Variants in FUT8 observed in about 807,000 individuals in gnomAD.
The protein encoded by FUT8 is fucosyltransferase 8, also known as alpha-(1,6)-fucosyltransferase.
FUT8 carries 29 observed loss-of-function variants against 71.3 expected under a neutral mutation model. The observed-to-expected ratio is 0.41, with a 90% CI of 0.30 to 0.55. The LOEUF (loss-of-function observed/expected upper bound fraction) is 0.55, where lower values mean the gene tolerates loss of function less well. Ranked by LOEUF, FUT8 falls within the 20% of genes least tolerant of loss-of-function variation. FUT8 has a pLI of 0.34. For missense variants in FUT8, 544 were observed against 702.1 expected (o/e 0.77, Z 2.55); for synonymous variants, 254 against 239.3 (o/e 1.06, Z -0.57).
At chr14:65,359,125 G>C in the FUT8 span, among the ~76,000 whole-genome samples, 8 of 152,142 alleles carry the variant, frequency 5.3e-5, no homozygotes, top group South Asian at 1.7e-3. Flanking sequence ...CTTTTGAAGA[G>C]ACCAGGGCAT....
chr14:65,474,876 A>C (rs1487978286), intron 2 of FUT8, among the ~76,000 whole-genome samples: 1 of 152,094 alleles, frequency 6.6e-6, no homozygotes, highest in African/African-American at 2.4e-5. Context: ...TTTATTGTTT[A>C]TTTTTATTTT....
At chr14:65,397,629 C>T in the FUT8 span, among the ~76,000 whole-genome samples, 2,619 of 152,318 alleles carry the variant, frequency 0.017, 72 homozygotes, top group African/African-American at 0.059. The surrounding 1 kb of genome is among the most constrained non-coding windows in gnomAD (Gnocchi z 4.2). Context: ...CACACGTGCA[C>T]GCCTGCCCTG....
At chr14:65,705,151 G>A (rs1283218205) in intron 7 of FUT8, among the ~76,000 whole-genome samples, 2 of 152,072 alleles carry the variant, frequency 1.3e-5, no homozygotes, top group Non-Finnish European at 2.9e-5. Context: ...TGTTGACTAA[G>A]TAGAGCAGTG....
intron 2 of FUT8, among the ~76,000 whole-genome samples, chr14:65,498,144 T>G (rs2066589190): frequency 6.6e-6 from 1 of 152,192 alleles, no homozygotes; most frequent in South Asian, 2.1e-4. Context: ...ATCTGTCTAT[T>G]CTTTTGAGTT....
intron 1 of FUT8, among the ~76,000 whole-genome samples, chr14:65,430,907 A>C (rs894080751): frequency 6.6e-6 from 1 of 152,152 alleles, no homozygotes; most frequent in South Asian, 2.1e-4. Context: ...ATTAATGAGA[A>C]AATGTGCTCT....
Position 65,472,755 on chromosome 14 carries a change from C to T in FUT8, c.-228+17037C>T, listed in dbSNP as rs1173985829. Reference sequence around the variant, plus strand: ...ATTGAATTTCTTAATTAGTAGATTGCCCACTAATTATTTTTATGAGCACAG... The same window carrying T: ...ATTGAATTTCTTAATTAGTAGATTGTCCACTAATTATTTTTATGAGCACAG... On this transcript the variant is annotated intron_variant, in intron 2 of 10. Coordinates refer to ENST00000673929, the MANE Select transcript of FUT8 (RefSeq NM_001371533.1). The surrounding 1 kb of genome is among the most constrained non-coding windows in gnomAD (Gnocchi z 4.4). Among the ~76,000 whole-genome samples the T allele has an allele frequency of 1.3e-5, 2 of 151,838 alleles. No homozygotes were observed. The highest frequency in any genetic ancestry group is 2.4e-5 in the African/African-American group (1 of 41,330).
chr14:65,633,914 G>A (rs1382024979), intron 6 of FUT8, among the ~76,000 whole-genome samples: 1 of 150,158 alleles, frequency 6.7e-6, no homozygotes, highest in Non-Finnish European at 1.5e-5. Flanking sequence ...GCCCCCGCCC[G>A]GCCAGCTGCC....
At chr14:65,682,282 C>G (rs925665703) in intron 7 of FUT8, among the ~76,000 whole-genome samples, 2 of 152,176 alleles carry the variant, frequency 1.3e-5, no homozygotes, top group African/African-American at 2.4e-5. Flanking sequence ...GCAGGAGGAT[C>G]GCTTCAGACT....
Position 65,711,717 on chromosome 14 carries a change from A to G in FUT8, c.836-10058A>G, listed in dbSNP as rs572388520. On this transcript the variant is annotated intron_variant, in intron 7 of 10. Coordinates refer to ENST00000673929, the MANE Select transcript of FUT8 (RefSeq NM_001371533.1). ...GCCCACCTCTTAACTGGCACCCTAG[A>G]TGAACTGCAGTACTGATGGTGAATT... Among the ~76,000 whole-genome samples, 18 of 152,296 alleles carry G rather than the reference A, an allele frequency of 1.2e-4. No individual in the cohort carries two copies. The East Asian group carries it at 3.5e-3, about 29-fold the overall frequency.
At chr14:65,592,311 G>A (rs770320342) in intron 3 of FUT8, among the ~76,000 whole-genome samples, 1 of 151,940 alleles carries the variant, frequency 6.6e-6, no homozygotes, top group Non-Finnish European at 1.5e-5. Flanking sequence ...TTGAGTGGTG[G>A]GGGAGAACTG....
At chr14:65,444,995 G>A (rs1179451904) in intron 1 of FUT8, among the ~76,000 whole-genome samples, 1 of 152,132 alleles carries the variant, frequency 6.6e-6, no homozygotes, top group African/African-American at 2.4e-5. Context: ...CATGAGGTCA[G>A]GAGTTCAAGA....
In FUT8 at chr14:65,643,665, TAC is replaced by T. The variant is rs60967671; in HGVS notation, c.597+14108_597+14109del. On this transcript the variant is annotated intron_variant, in intron 6 of 10. Coordinates refer to ENST00000673929, the MANE Select transcript of FUT8 (RefSeq NM_001371533.1). The surrounding 1 kb of genome is among the most constrained non-coding windows in gnomAD (Gnocchi z 4.5). The stretch of plus-strand genomic sequence containing the variant: ...CGAGACTCCGTCTTTAAAAAAAAAA[TAC>T]ACACACACACACACACACACACACA... Among the ~76,000 whole-genome samples the T allele has an allele frequency of 0.053, 6,556 of 124,504 alleles. 160 individuals are homozygous for T. The highest frequency in any genetic ancestry group is 0.056 in the Non-Finnish European group (3,488 of 61,762). 81.7% of individuals were successfully genotyped at this position (124,504 alleles called of 152,430 possible). A position where few individuals can be genotyped will look rare whatever the true frequency, so the allele number is the denominator to read the frequency against.
chr14:65,661,945 T>G (rs914080464), intron 6 of FUT8, among the ~76,000 whole-genome samples: 3 of 152,224 alleles, frequency 2.0e-5, no homozygotes, highest in African/African-American at 2.4e-5. Context: ...CATTTATTTC[T>G]AAGGACTGCT....
intron 7 of FUT8, among the ~76,000 whole-genome samples, chr14:65,720,111 A>C (rs919775333): frequency 6.6e-6 from 1 of 152,044 alleles, no homozygotes; most frequent in Non-Finnish European, 1.5e-5. Context: ...CAGCATCTGG[A>C]GTTGGAAACC....
rs527395960 is a variant in FUT8 at position 65,509,239 on chromosome 14, G to A, written c.-227-52098G>A. Among the ~76,000 whole-genome samples, 25 of 152,056 alleles carry A rather than the reference G, an allele frequency of 1.6e-4. 1 individual carries two copies. In the South Asian group the frequency reaches 3.3e-3, roughly 20 times the overall value. The stretch of plus-strand genomic sequence containing the variant: ...TGTCAAAAATGAGTTCACTGTAGGC[G>A]TGTGGATTTTTTTCTGGGTTCTCGG... On this transcript the variant is annotated intron_variant, in intron 2 of 10. Transcript: ENST00000673929.
intron 6 of FUT8, among the ~76,000 whole-genome samples, chr14:65,640,775 G>A (rs1166358368): frequency 6.6e-6 from 1 of 152,038 alleles, no homozygotes; most frequent in Admixed American, 6.5e-5. Flanking sequence ...CTTTGATTCT[G>A]TGCTATACTC....
intron 2 of FUT8, among the ~76,000 whole-genome samples, chr14:65,513,335 C>G (rs1882487867): frequency 6.6e-6 from 1 of 152,148 alleles, no homozygotes. Flanking sequence ...GTTTTAGTCC[C>G]TGCTCTAGAG....
intron 2 of FUT8, among the ~76,000 whole-genome samples, chr14:65,484,868 G>A (rs1017413376): frequency 5.9e-5 from 9 of 151,684 alleles, no homozygotes; most frequent in Admixed American, 3.9e-4. Flanking sequence ...TTTTTGGATC[G>A]TCTTTATTGG....
At chr14:65,685,007 G>A (rs956472838) in intron 7 of FUT8, among the ~76,000 whole-genome samples, 2 of 152,078 alleles carry the variant, frequency 1.3e-5, no homozygotes, top group Admixed American at 1.3e-4. Context: ...TGTATTAGGG[G>A]CCACAGGTAA....
Sources: gnomAD v4.1 joint callset for allele counts (sites outside exome capture counted in the v4.1 genomes callset) on GRCh38, gnomAD v4.1.1 for gene constraint, Gnocchi (gnomAD v3.1) non-coding constraint, MANE v1.5 for transcripts, NCBI Gene and HGNC (gene_info 2026-07-23, HGNC 2026-07-21) for gene names.